The following PCBP3 variants were observed in gnomAD, a reference collection of about 807,000 sequenced individuals.
The protein encoded by PCBP3 is poly(rC)-binding protein 3.
In PCBP3, 25 loss-of-function variants were observed where a neutral mutation model predicts 52.7. The observed-to-expected ratio is 0.47, with a 90% CI of 0.35 to 0.66. The LOEUF (loss-of-function observed/expected upper bound fraction) is 0.66. Among genes scored for constraint, PCBP3 ranks in the 30% least tolerant of loss-of-function variants. PCBP3 has a pLI of 0.01. For missense variants in PCBP3, 391 were observed against 490.3 expected (o/e 0.80, Z 1.91); for synonymous variants, 162 against 183.0 (o/e 0.89, Z 0.93).
intron 2 of PCBP3, among the ~76,000 whole-genome samples, chr21:45,715,707 T>C (rs974893101): frequency 2.6e-5 from 4 of 152,238 alleles, no homozygotes; most frequent in African/African-American, 9.6e-5. Flanking sequence ...ATCAGTGTTA[T>C]TTTGATTGGC....
chr21:45,772,838 A>G (rs1003028783), intron 4 of PCBP3, among the ~76,000 whole-genome samples: 3 of 152,120 alleles, frequency 2.0e-5, no homozygotes, highest in Admixed American at 6.5e-5. Flanking sequence ...AATTATGTTG[A>G]ACATTTTTTT....
chr21:45,846,465 A>C (rs1603449705), intron 4 of PCBP3, among the ~76,000 whole-genome samples: 1 of 151,880 alleles, frequency 6.6e-6, no homozygotes, highest in South Asian at 2.1e-4. Context: ...AGTATGTTTA[A>C]GAAGAAAGTA....
Position 45,646,083 on chromosome 21 carries a change from T to TCTTTC in PCBP3, c.-279+2215_-279+2216insCTTTC, listed in dbSNP as rs1206207801. Among the ~76,000 whole-genome samples, 231 of 99,526 alleles carry TCTTTC rather than the reference T, an allele frequency of 2.3e-3. 3 individuals carry two copies. Among genetic ancestry groups the TCTTTC allele is most frequent in the African/African-American group, 7.7e-3 (181 of 23,392 alleles). The allele number at this position is 99,526 out of a possible 152,430, so 65.3% of individuals were successfully genotyped here. ...TCTCTCTCTCTCTCTCTCTCTCTCT[T>TCTTTC]TCTCTCTCTCTCTCTCTCTCTCTCT... is the stretch of plus-strand genomic sequence containing the variant. On this transcript the variant is annotated intron_variant, in intron 1 of 17. Coordinates refer to ENST00000681687, the MANE Select transcript of PCBP3 (RefSeq NM_001384156.1).
rs2085832863 is a variant in PCBP3 at position 45,735,869 on chromosome 21, CCACAATGTCTGAAGCCA to C, written c.-162+445_-162+461del. ...TGTGTGTGCGGTGGCCATGATGGCA[CCACAATGTCTGAAGCCA>C]CACAGTGCATGGGTGACATCTGTGG... On this transcript the variant is annotated intron_variant, in intron 3 of 17. Coordinates refer to ENST00000681687, the MANE Select transcript of PCBP3 (RefSeq NM_001384156.1). The surrounding 1 kb of genome is among the most constrained non-coding windows in gnomAD (Gnocchi z 4.0). Among the ~76,000 whole-genome samples, 1 of 152,310 alleles carries C rather than the reference CCACAATGTCTGAAGCCA, an allele frequency of 6.6e-6. No homozygotes were observed. The highest frequency in any genetic ancestry group is 2.1e-4 in the South Asian group (1 of 4,824).
intron 4 of PCBP3, among the ~76,000 whole-genome samples, chr21:45,801,400 G>A (rs1045790440): frequency 6.6e-6 from 1 of 152,260 alleles, no homozygotes; most frequent in Non-Finnish European, 1.5e-5. Flanking sequence ...GCCCCTGGGT[G>A]CACAAGGAGC....
intron 1 of PCBP3, among the ~76,000 whole-genome samples, chr21:45,666,820 C>T (rs1003331661): frequency 5.9e-5 from 9 of 151,874 alleles, no homozygotes; most frequent in South Asian, 2.1e-4. Context: ...CTATGCCTTC[C>T]GGGTTCAAGT....
intron 5 of PCBP3, among the ~76,000 whole-genome samples, chr21:45,882,343 T>G (rs2095423279): frequency 6.6e-6 from 1 of 152,226 alleles, no homozygotes; most frequent in Non-Finnish European, 1.5e-5. Context: ...AAGCTTCCAT[T>G]CCGTTTCTTT....
chr21:45,675,120 C>T (rs760603944), intron 2 of PCBP3, among the ~76,000 whole-genome samples: 14 of 152,174 alleles, frequency 9.2e-5, no homozygotes, highest in Non-Finnish European at 1.8e-4. Context: ...ATAGTTGAGG[C>T]GAGGTCCTGT....
At chr21:45,844,258 C>T (rs1810608867) in intron 4 of PCBP3, among the ~76,000 whole-genome samples, 1 of 151,984 alleles carries the variant, frequency 6.6e-6, no homozygotes, top group African/African-American at 2.4e-5. Flanking sequence ...TGGTGAGAGC[C>T]CCACTTTAGG....
intron 3 of PCBP3, among the ~76,000 whole-genome samples, chr21:45,739,032 A>C (rs2086135980): frequency 1.6e-5 from 1 of 63,478 alleles, no homozygotes; most frequent in African/African-American, 6.6e-5. Flanking sequence ...CACCATCTTC[A>C]TCAGCCCACC....
chr21:45,743,635 G>C (rs1253458877), intron 3 of PCBP3, among the ~76,000 whole-genome samples: 1 of 152,134 alleles, frequency 6.6e-6, no homozygotes, highest in African/African-American at 2.4e-5. Flanking sequence ...AATAGGGTTA[G>C]GGCTAGAGTT....
chr21:45,831,979 G>A (rs192159151), intron 4 of PCBP3, among the ~76,000 whole-genome samples: 103 of 152,274 alleles, frequency 6.8e-4, no homozygotes, highest in Non-Finnish European at 1.2e-3. Flanking sequence ...CCAAAGTGCT[G>A]GAATTACAGG....
intron 4 of PCBP3, among the ~76,000 whole-genome samples, chr21:45,825,722 G>A (rs1370988504): frequency 6.6e-6 from 1 of 152,190 alleles, no homozygotes; most frequent in African/African-American, 2.4e-5. Context: ...ACTGGGAGGA[G>A]GGAAGACTCC....
intron 3 of PCBP3, among the ~76,000 whole-genome samples, chr21:45,747,824 T>C (rs2087040934): frequency 1.3e-5 from 2 of 152,210 alleles, no homozygotes. Context: ...GGTGTCCTTC[T>C]TTCCTCCCTC....
At chr21:45,772,961 A>G (rs2089992638) in intron 4 of PCBP3, among the ~76,000 whole-genome samples, 1 of 151,622 alleles carries the variant, frequency 6.6e-6, no homozygotes, top group South Asian at 2.1e-4. Context: ...AGTTCCCTTT[A>G]TATTCTGGAT....
At chr21:45,750,321 C>T (rs1308021544) in intron 3 of PCBP3, 1 of 151,986 alleles carries the variant, frequency 6.6e-6, no homozygotes, top group Non-Finnish European at 1.5e-5. Flanking sequence ...TCTGCCTTGA[C>T]CCGTCTTTAC....
intron 4 of PCBP3, among the ~76,000 whole-genome samples, chr21:45,820,380 G>A (rs777596150): frequency 1.3e-5 from 2 of 152,234 alleles, no homozygotes; most frequent in African/African-American, 2.4e-5. Flanking sequence ...TGTCACCCAC[G>A]GATAGGAGTG....
At chr21:45,863,814 A>G (rs1161238042) in intron 5 of PCBP3, among the ~76,000 whole-genome samples, 1 of 152,114 alleles carries the variant, frequency 6.6e-6, no homozygotes, top group Non-Finnish European at 1.5e-5. Context: ...GTTGGCTGAG[A>G]TTGGCTTCGA....
At chr21:45,663,483 C>T (rs932537803) in intron 1 of PCBP3, among the ~76,000 whole-genome samples, 12 of 152,168 alleles carry the variant, frequency 7.9e-5, no homozygotes, top group African/African-American at 2.4e-4. Context: ...GTCCCTACAT[C>T]TTTCCTAGGT....
Sources: allele counts gnomAD v4.1 joint callset (sites outside exome capture counted in the v4.1 genomes callset), GRCh38; gene constraint gnomAD v4.1.1; non-coding constraint Gnocchi (gnomAD v3.1); transcripts MANE v1.5; gene names NCBI Gene and HGNC (gene_info 2026-07-23, HGNC 2026-07-21).